The following PHF7 variants were observed in gnomAD, a reference collection of about 807,000 sequenced individuals.
PHF7 encodes the protein PHD finger protein 7.
In PHF7, 24 loss-of-function variants were observed where a neutral mutation model predicts 47.5. That is an observed-to-expected ratio of 0.51 (90% CI 0.37 to 0.71). PHF7 has a LOEUF of 0.71. Among genes scored for constraint, PHF7 ranks in the 30% least tolerant of loss-of-function variants. The pLI is 0.00. For missense variants in PHF7, 361 were observed against 456.8 expected, an observed-to-expected ratio of 0.79 and a Z score of 1.91; for synonymous variants, 156 against 153.8, an observed-to-expected ratio of 1.01 and a Z score of -0.11.
intron 4 of PHF7, among the ~76,000 whole-genome samples, chr3:52,418,740 T>G (rs1437439728): frequency 6.6e-6 from 1 of 152,120 alleles, no homozygotes; most frequent in Non-Finnish European, 1.5e-5. Flanking sequence ...GCAGTGTCAC[T>G]TGCCACACTG....
At chr3:52,413,010 G>C (rs144991664) in intron 2 of PHF7, 90 bp downstream of exon 2, 11 of 974,718 alleles carry the variant, frequency 1.1e-5, no homozygotes, top group Admixed American at 7.0e-5. Flanking sequence ...TCGTAGTCTT[G>C]GGGGTTGAGG....
Position 52,418,278 on chromosome 3 carries a change from C to T in PHF7, c.187-1555C>T, listed in dbSNP as rs186941608. 2.6e-5 allele frequency among the ~76,000 whole-genome samples: 4 copies of T among 152,252 alleles called. No homozygotes were observed. In the East Asian group the frequency reaches 5.8e-4, roughly 22 times the overall value. ...CTTAGTTATAATTTTGATGTATTTACAAGCATATACATTTTTTACATAAAA... is the reference window on the plus strand; with the variant it reads ...CTTAGTTATAATTTTGATGTATTTATAAGCATATACATTTTTTACATAAAA... On this transcript the variant is annotated intron_variant, in intron 4 of 10. Coordinates refer to ENST00000327906, the MANE Select transcript of PHF7 (RefSeq NM_016483.7).
chr3:52,413,435 A>G (rs1419618011), intron 2 of PHF7, among the ~76,000 whole-genome samples: 1 of 152,236 alleles, frequency 6.6e-6, no homozygotes, highest in East Asian at 1.9e-4. Context: ...TTGCTCTTGC[A>G]TTCATTCAGT....
At position 52,421,702 on chromosome 3, in the gene PHF7, C is replaced by T. The variant is rs1464412804; in HGVS notation, c.628C>T (p.Arg210Ter). ...CTTCAAATGTCCACAGTGTAACAAT[C>T]GAAAAGAGTTTCCTCAAGAAATGCT... Reference protein sequence around the residue: ...HFFKCPQCNNRKEFPQEMLRM... With the variant: ...HFFKCPQCNN Residue 210 changes from arginine (R) to a stop codon, truncating the protein, a stop_gained, in exon 8 of 11, where the codon CGA (arginine) becomes TGA (stop). Transcript: ENST00000327906. LOFTEE classifies it high-confidence loss of function. The T allele has an allele frequency of 5.0e-6, 8 of 1,609,576 alleles. No homozygotes were observed. The highest frequency in any genetic ancestry group is 4.5e-5 in the East Asian group (2 of 44,878).
intron 4 of PHF7, among the ~76,000 whole-genome samples, chr3:52,417,101 T>C (rs962869635): frequency 6.6e-6 from 1 of 152,210 alleles, no homozygotes; most frequent in Non-Finnish European, 1.5e-5. Context: ...CCTTGGTGCC[T>C]TTGTCAAAAT....
chr3:52,421,394 A>AC (rs1705786004), intron 7 of PHF7, among the ~76,000 whole-genome samples: 1 of 151,976 alleles, frequency 6.6e-6, no homozygotes, highest in Non-Finnish European at 1.5e-5. Flanking sequence ...CAGGTGGCTG[A>AC]CCCCTACTCA....
chr3:52,411,955 C>T (rs1705457143), intron 1 of PHF7, among the ~76,000 whole-genome samples: 1 of 152,176 alleles, frequency 6.6e-6, no homozygotes, highest in Non-Finnish European at 1.5e-5. Flanking sequence ...GTGGCTCACG[C>T]CTGTAATCCC....
intron 8 of PHF7, 60 bp from the exon 9 acceptor site, chr3:52,422,162 A>G: frequency 2.6e-6 from 3 of 1,173,096 alleles, no homozygotes; most frequent in Non-Finnish European, 3.9e-6. Flanking sequence ...CTCCTCCCTG[A>G]TGGACAAAAG....
rs1329749304 is a variant in PHF7 at position 52,423,279 on chromosome 3, G to A, written c.1108G>A (p.Gly370Ser). 5 of 1,613,812 alleles carry A rather than the reference G, an allele frequency of 3.1e-6. No homozygotes were observed. In the Admixed American group the frequency reaches 8.3e-5, roughly 27 times the overall value. ...GAGGAGCTACTCCTGGAGGTCCAAG[G>A]GTGTCAGAATCACTAACAGCTGCAA... ...GRRSYSWRSKGVRITNSCKKS... is the reference protein window; with the variant it reads ...GRRSYSWRSKSVRITNSCKKS... The change falls in exon 11 of 11, where the codon GGT becomes AGT. Residue 370 changes from glycine to serine, a missense_variant. Coordinates refer to ENST00000327906, the MANE Select transcript of PHF7 (RefSeq NM_016483.7).
intron 8 of PHF7, 120 bp downstream of exon 8, chr3:52,421,874 A>G (rs1032715780): frequency 1.7e-6 from 1 of 589,236 alleles, no homozygotes; most frequent in Non-Finnish European, 3.1e-6. Context: ...ATAAGAAGGA[A>G]GGGGAGGAGG....
rs1327059873 is a variant in PHF7, at chr3:52,423,632, T to A, written c.*315T>A. On this transcript the variant is annotated 3_prime_UTR_variant, in exon 11 of 11. Transcript: ENST00000327906. Reference sequence around the variant, plus strand: ...TGTTTGTTGTTATGCAAATAAAGGTTTTCTCTCCATTGGTGTCTCCTTATA... The same window carrying A: ...TGTTTGTTGTTATGCAAATAAAGGTATTCTCTCCATTGGTGTCTCCTTATA... 4.0e-6 allele frequency: 1 copy of A among 251,382 alleles called. No individual in the cohort carries two copies. Among genetic ancestry groups the A allele is most frequent in the Admixed American group, 5.0e-5 (1 of 19,900 alleles). The allele number at this position is 251,382 out of a possible 1,614,324, so 15.6% of individuals were successfully genotyped here. A position where few individuals can be genotyped will look rare whatever the true frequency, so the allele number is the denominator to read the frequency against.
At chr3:52,413,930 A>C (rs925296337) in intron 2 of PHF7, 66 bp from the exon 3 acceptor site, 2 of 1,075,236 alleles carry the variant, frequency 1.9e-6, no homozygotes, top group Admixed American at 3.6e-5. Context: ...TTTTAAGAGA[A>C]ATGTTAAAAA....
At chr3:52,413,740 C>G (rs1705535521) in intron 2 of PHF7, among the ~76,000 whole-genome samples, 1 of 152,166 alleles carries the variant, frequency 6.6e-6, no homozygotes, top group Non-Finnish European at 1.5e-5. Context: ...GAGGCTGAGG[C>G]AGGAGAATTG....
chr3:52,413,913 A>G, intron 2 of PHF7, 83 bp from the exon 3 acceptor site: 1 of 902,582 alleles, frequency 1.1e-6, no homozygotes, highest in South Asian at 1.4e-5. Context: ...CAGACCCATG[A>G]ATGGCATTTT....
intron 7 of PHF7, among the ~76,000 whole-genome samples, chr3:52,421,429 G>GA (rs1705787728): frequency 6.6e-6 from 1 of 152,224 alleles, no homozygotes. Context: ...CATGGTCAGA[G>GA]ATGACAGCTG....
intron 1 of PHF7, 81 bp from the exon 2 acceptor site, chr3:52,412,730 T>G (rs1705489980): frequency 1.5e-6 from 1 of 656,494 alleles, no homozygotes; most frequent in African/African-American, 1.8e-5. Flanking sequence ...GGAGGTGAAG[T>G]GCACCATTGC....
chr3:52,412,477 C>G (rs1705480318), intron 1 of PHF7, among the ~76,000 whole-genome samples: 1 of 152,146 alleles, frequency 6.6e-6, no homozygotes, highest in Non-Finnish European at 1.5e-5. Context: ...AGTTCTTTTG[C>G]TACTGTGTGA....
Position 52,423,377 on chromosome 3 carries a change from G to A in PHF7, c.*60G>A. The A allele has an allele frequency of 1.8e-6, 2 of 1,111,910 alleles. No homozygotes were observed. Among genetic ancestry groups the A allele is most frequent in the Non-Finnish European group, 2.7e-6 (2 of 747,478 alleles). 68.9% of individuals were successfully genotyped at this position (1,111,910 alleles called of 1,614,324 possible). ...GTATGAAGCTGCGCTCCTCCATCGGGTTTGGGGAGGGAGCACTCTGGGACT... is the reference window on the plus strand; with the variant it reads ...GTATGAAGCTGCGCTCCTCCATCGGATTTGGGGAGGGAGCACTCTGGGACT... On this transcript the variant is annotated 3_prime_UTR_variant, in exon 11 of 11. Transcript: ENST00000327906.
chr3:52,412,074 G>T (rs539667973), intron 1 of PHF7, among the ~76,000 whole-genome samples: 2 of 152,140 alleles, frequency 1.3e-5, no homozygotes, highest in Non-Finnish European at 2.9e-5. Context: ...TGGTGCGGTG[G>T]CATGGCACCT....
Sources: allele counts gnomAD v4.1 joint callset (sites outside exome capture counted in the v4.1 genomes callset), GRCh38; gene constraint gnomAD v4.1.1; transcripts MANE v1.5; gene names NCBI Gene and HGNC (gene_info 2026-07-23, HGNC 2026-07-21).